Variants in RALA observed in about 807,000 individuals in gnomAD.
The protein encoded by RALA is ras-related protein Ral-A.
Under a neutral mutation model 24.0 loss-of-function variants are expected in RALA, and 5 were observed. The observed-to-expected ratio is 0.21, with a 90% CI of 0.11 to 0.44. The LOEUF (loss-of-function observed/expected upper bound fraction) is 0.44, where lower values mean the gene tolerates loss of function less well. Among genes scored for constraint, RALA ranks in the 20% least tolerant of loss-of-function variants. RALA has a pLI of 0.99. For synonymous variants in RALA, 77 were observed against 83.8 expected (o/e 0.92, Z 0.44); for missense variants, 95 against 241.2 (o/e 0.39, Z 4.01).
chr7:39,670,760 A>G (rs1792367031), intron 1 of RALA, among the ~76,000 whole-genome samples: 1 of 152,178 alleles, frequency 6.6e-6, no homozygotes, highest in South Asian at 2.1e-4. Context: ...ATTTCTCAAT[A>G]TTGCTGAAAA....
chr7:39,632,739 C>T (rs1791619086), intron 1 of RALA, among the ~76,000 whole-genome samples: 1 of 152,142 alleles, frequency 6.6e-6, no homozygotes, highest in South Asian at 2.1e-4. Context: ...ATCACTTGAG[C>T]CCAGGAGGGG....
At chr7:39,625,016 G>A (rs1326554889) in intron 1 of RALA, among the ~76,000 whole-genome samples, 1 of 152,062 alleles carries the variant, frequency 6.6e-6, no homozygotes, top group East Asian at 1.9e-4. Flanking sequence ...TGACAACACC[G>A]TTTTTTGACC....
intron 1 of RALA, among the ~76,000 whole-genome samples, chr7:39,667,505 C>T (rs1272058996): frequency 6.6e-6 from 1 of 152,258 alleles, no homozygotes; most frequent in African/African-American, 2.4e-5. Context: ...GAAGGAAGGG[C>T]TACCCAGCAT....
At chr7:39,625,535 C>T (rs1791470183) in intron 1 of RALA, among the ~76,000 whole-genome samples, 1 of 152,228 alleles carries the variant, frequency 6.6e-6, no homozygotes, top group Admixed American at 6.5e-5. Context: ...TGAATACACG[C>T]AATCCTCTGA....
chr7:39,635,961 A>G (rs543497451), intron 1 of RALA, among the ~76,000 whole-genome samples: 2 of 152,294 alleles, frequency 1.3e-5, no homozygotes, highest in South Asian at 2.1e-4. Context: ...GAGTCATACA[A>G]TAGGTGGTCT....
chr7:39,662,088 T>G (rs1252809195), intron 1 of RALA, among the ~76,000 whole-genome samples: 3 of 151,906 alleles, frequency 2.0e-5, no homozygotes, highest in Non-Finnish European at 4.4e-5. Context: ...ATAGCTGGAG[T>G]GGCTGGGAGG....
intron 1 of RALA, among the ~76,000 whole-genome samples, chr7:39,627,941 C>T (rs1018039298): frequency 2.2e-4 from 33 of 152,152 alleles, no homozygotes; most frequent in African/African-American, 5.8e-4. Context: ...GTGCTCCTTA[C>T]CTAACTCTCT....
intron 4 of RALA, chr7:39,703,029 A>G (rs1313898254): frequency 2.0e-5 from 3 of 152,368 alleles, no homozygotes; most frequent in East Asian, 3.9e-4. Flanking sequence ...AATGATTGAG[A>G]TGATGGATGT....
At chr7:39,698,894 GAA>G (rs1792966705) in intron 4 of RALA, among the ~76,000 whole-genome samples, 1 of 152,104 alleles carries the variant, frequency 6.6e-6, no homozygotes, top group Non-Finnish European at 1.5e-5. Flanking sequence ...CTTTAAACTG[GAA>G]GAGAGGCTCG....
At chr7:39,658,525 T>C (rs1178377261) in intron 1 of RALA, among the ~76,000 whole-genome samples, 1 of 152,168 alleles carries the variant, frequency 6.6e-6, no homozygotes, top group African/African-American at 2.4e-5. Context: ...TTTATAAATA[T>C]ACACAGTGAT....
At chr7:39,702,427 C>T (rs764394713) in intron 4 of RALA, among the ~76,000 whole-genome samples, 3 of 152,060 alleles carry the variant, frequency 2.0e-5, no homozygotes, top group African/African-American at 4.8e-5. Flanking sequence ...TTCTGTGGTG[C>T]GCTTTTTAAA....
At chr7:39,653,155 G>C (rs1332143168) in intron 1 of RALA, among the ~76,000 whole-genome samples, 6 of 151,254 alleles carry the variant, frequency 4.0e-5, no homozygotes, top group Admixed American at 3.9e-4. Flanking sequence ...TCAGCCTCCT[G>C]AGTAGCTGGG....
intron 2 of RALA, among the ~76,000 whole-genome samples, chr7:39,689,218 C>T (rs1792770650): frequency 1.3e-5 from 2 of 152,136 alleles, no homozygotes; most frequent in South Asian, 4.1e-4. Context: ...TGAACTAACT[C>T]CTGGGCTCAA....
intron 2 of RALA, among the ~76,000 whole-genome samples, chr7:39,689,549 T>C (rs541212369): frequency 3.3e-5 from 5 of 152,244 alleles, no homozygotes; most frequent in African/African-American, 7.2e-5. Flanking sequence ...ATGTATCAGA[T>C]AATGAAAATA....
chr7:39,636,909 A>G (rs544188217), intron 1 of RALA, among the ~76,000 whole-genome samples: 1 of 152,308 alleles, frequency 6.6e-6, no homozygotes, highest in African/African-American at 2.4e-5. Flanking sequence ...CACTATCACT[A>G]GAACAGCATG....
intron 1 of RALA, among the ~76,000 whole-genome samples, chr7:39,638,634 T>C (rs200599253): frequency 1.8e-3 from 276 of 152,186 alleles, no homozygotes; most frequent in African/African-American, 6.3e-3. Context: ...TTTGTAGATA[T>C]AGGGTTCTCC....
chr7:39,642,808 G>A (rs1791843181), intron 1 of RALA, among the ~76,000 whole-genome samples: 1 of 152,190 alleles, frequency 6.6e-6, no homozygotes, highest in Non-Finnish European at 1.5e-5. Context: ...AGAATTGAGA[G>A]TATTCATTTT....
intron 1 of RALA, 68 bp from the exon 2 acceptor site, chr7:39,686,563 T>C (rs1465935008): frequency 1.8e-5 from 16 of 897,104 alleles, no homozygotes; most frequent in Non-Finnish European, 2.9e-5. Flanking sequence ...TAAGGACATA[T>C]CTCTTTCTTA....
At chr7:39,639,780 A>G (rs1392109360) in intron 1 of RALA, among the ~76,000 whole-genome samples, 1 of 152,154 alleles carries the variant, frequency 6.6e-6, no homozygotes, top group Non-Finnish European at 1.5e-5. Flanking sequence ...TCAGGGAACC[A>G]GGCTGGAACC....
Sources: allele counts gnomAD v4.1 joint callset (sites outside exome capture counted in the v4.1 genomes callset), GRCh38; gene constraint gnomAD v4.1.1; transcripts MANE v1.5; gene names NCBI Gene and HGNC (gene_info 2026-07-23, HGNC 2026-07-21).